STK10: variants seen among roughly 807,000 people sequenced by gnomAD.
STK10 encodes serine/threonine kinase 10.
STK10 carries 78 observed loss-of-function variants against 113.8 expected under a neutral mutation model. The observed-to-expected ratio is 0.69, with a 90% CI of 0.57 to 0.83. STK10 has a LOEUF of 0.83. STK10 is among the 40% of genes least tolerant of loss of function. The probability of loss-of-function intolerance (pLI) is 0.00; values close to 1 mark genes in which losing one functional copy is unlikely to be tolerated. For missense variants in STK10, 1,109 were observed against 1,280.1 expected, an observed-to-expected ratio of 0.87 and a Z score of 2.04; for synonymous variants, 465 against 494.7, an observed-to-expected ratio of 0.94 and a Z score of 0.80.
intron 2 of STK10, among the ~76,000 whole-genome samples, chr5:172,153,284 CT>C (rs1770275951): frequency 1.9e-5 from 2 of 107,266 alleles, no homozygotes; most frequent in South Asian, 3.4e-4. Flanking sequence ...AAAACTCCAT[CT>C]CAAAAAGAAA....
intron 13 of STK10, among the ~76,000 whole-genome samples, chr5:172,062,500 G>A (rs1483994623): frequency 7.3e-5 from 11 of 151,558 alleles, no homozygotes; most frequent in African/African-American, 2.2e-4. Flanking sequence ...AACAGCCCAC[G>A]TGTCCGTCGA....
intron 1 of STK10, among the ~76,000 whole-genome samples, chr5:172,159,059 A>T (rs1770409829): frequency 6.6e-6 from 1 of 152,198 alleles, no homozygotes; most frequent in South Asian, 2.1e-4. Context: ...ATTTTACCAC[A>T]ATTCAAAAGA....
chr5:172,068,901 AC>A (rs1768125326), intron 12 of STK10, among the ~76,000 whole-genome samples: 1 of 151,916 alleles, frequency 6.6e-6, no homozygotes, highest in Non-Finnish European at 1.5e-5. Context: ...AAAAAACAAA[AC>A]CAAAAACGTG....
intron 1 of STK10, among the ~76,000 whole-genome samples, chr5:172,183,152 A>G (rs1459622283): frequency 6.6e-6 from 1 of 152,198 alleles, no homozygotes; most frequent in Non-Finnish European, 1.5e-5. Flanking sequence ...GGCTGAAGTA[A>G]GCAATGATGG....
chr5:172,113,847 C>A (rs1216157338), intron 4 of STK10, among the ~76,000 whole-genome samples: 1 of 150,986 alleles, frequency 6.6e-6, no homozygotes, highest in Non-Finnish European at 1.5e-5. Context: ...CAGGAGGCAG[C>A]GGTTGTGGAG....
chr5:172,059,805 A>G (rs1767894353), intron 14 of STK10, among the ~76,000 whole-genome samples: 1 of 152,130 alleles, frequency 6.6e-6, no homozygotes, highest in Admixed American at 6.5e-5. Flanking sequence ...CCCCCAAGCA[A>G]AGCTGCTGGT....
At chr5:172,172,912 G>A (rs879711078) in intron 1 of STK10, among the ~76,000 whole-genome samples, 7 of 152,078 alleles carry the variant, frequency 4.6e-5, no homozygotes, top group African/African-American at 7.2e-5. Context: ...CCCAGGAAGC[G>A]GAGGTTGCAG....
intron 3 of STK10, among the ~76,000 whole-genome samples, chr5:172,118,130 G>T (rs1469019360): frequency 1.3e-5 from 2 of 152,016 alleles, no homozygotes; most frequent in Non-Finnish European, 2.9e-5. Context: ...CTATGAAGCA[G>T]GCACAATTAT....
intron 2 of STK10, among the ~76,000 whole-genome samples, chr5:172,143,295 G>A (rs1292781030): frequency 6.6e-6 from 1 of 152,150 alleles, no homozygotes; most frequent in Non-Finnish European, 1.5e-5. Flanking sequence ...GAACCGGGAG[G>A]CAGAGGCTGC....
chr5:172,056,996 AG>A (rs66718123), intron 15 of STK10: 1,865 of 42,068 alleles, frequency 0.044, 69 homozygotes, highest in African/African-American at 0.091. Flanking sequence ...AGAAAGAAAG[AG>A]AAAGAAGGAA....
chr5:172,064,178 T>G (rs1164443984), intron 13 of STK10, among the ~76,000 whole-genome samples: 2 of 151,874 alleles, frequency 1.3e-5, no homozygotes, highest in African/African-American at 4.8e-5. Context: ...TGGGGGATCA[T>G]GGAGATGGTG....
intron 7 of STK10, among the ~76,000 whole-genome samples, chr5:172,099,005 TTAC>T (rs1768918519): frequency 7.1e-6 from 1 of 140,744 alleles, no homozygotes; most frequent in African/African-American, 3.0e-5. Context: ...ATCATTACCA[TTAC>T]CATCATCATC....
At chr5:172,154,956 T>C (rs769113590) in intron 2 of STK10, among the ~76,000 whole-genome samples, 3 of 152,158 alleles carry the variant, frequency 2.0e-5, no homozygotes, top group Non-Finnish European at 4.4e-5. Context: ...CTATAAGTAG[T>C]ATCTTTGGAC....
intron 2 of STK10, among the ~76,000 whole-genome samples, chr5:172,155,411 T>C (rs773777383): frequency 3.3e-5 from 5 of 151,406 alleles, no homozygotes; most frequent in African/African-American, 7.3e-5. Context: ...GGCAGGAGAA[T>C]TGCTTGAACC....
intron 3 of STK10, among the ~76,000 whole-genome samples, chr5:172,122,679 A>C (rs1375293864): frequency 6.6e-6 from 1 of 152,210 alleles, no homozygotes; most frequent in Non-Finnish European, 1.5e-5. Context: ...GCTGGAGTGC[A>C]GTGGCACGAT....
Position 172,076,949 on chromosome 5 carries a change from A to G in STK10, c.1989+5377T>C, listed in dbSNP as rs566123543. Among the ~76,000 whole-genome samples, 207 of 152,360 alleles carry G rather than the reference A, an allele frequency of 1.4e-3. 2 individuals carry two copies. The highest frequency in any genetic ancestry group is 4.8e-3 in the African/African-American group (198 of 41,582). ...TCTGCCAAAGGCACCAAAAACACGA[A>G]GAAACGTCACACCACTGACCATGGA... On this transcript the variant is annotated intron_variant, in intron 12 of 18. Transcript: ENST00000176763.
chr5:172,184,548 T>C (rs1022814118), intron 1 of STK10, among the ~76,000 whole-genome samples: 3 of 152,170 alleles, frequency 2.0e-5, no homozygotes, highest in African/African-American at 7.2e-5. Flanking sequence ...GCTCTCTTGG[T>C]CTGGCTCACC....
chr5:172,111,408 G>A (rs958482522), intron 4 of STK10, among the ~76,000 whole-genome samples: 1 of 152,204 alleles, frequency 6.6e-6, no homozygotes, highest in Non-Finnish European at 1.5e-5. Flanking sequence ...ACACACCGTA[G>A]GTCCCCAGGG....
Position 172,133,464 on chromosome 5 carries a change from G to C in STK10, c.322-6043C>G, listed in dbSNP as rs1297564250. 6.6e-6 allele frequency among the ~76,000 whole-genome samples: 1 copy of C among 152,166 alleles called. No individual in the cohort carries two copies. Among genetic ancestry groups the C allele is most frequent in the African/African-American group, 2.4e-5 (1 of 41,434 alleles). On this transcript the variant is annotated intron_variant, in intron 2 of 18. Coordinates refer to ENST00000176763, the MANE Select transcript of STK10 (RefSeq NM_005990.4). This position sits in a 1 kb window ranked among gnomAD's most constrained non-coding sequence, Gnocchi z 4.9. ...GGACTTACTCATCCCCTGCAAGGGA[G>C]GGGTAGAAGCAGGGTGCTAAGCCAG...
Sources: allele counts gnomAD v4.1 joint callset (sites outside exome capture counted in the v4.1 genomes callset), GRCh38; gene constraint gnomAD v4.1.1; non-coding constraint Gnocchi (gnomAD v3.1); transcripts MANE v1.5; gene names NCBI Gene and HGNC (gene_info 2026-07-23, HGNC 2026-07-21).